The following PCED1B variants were observed in gnomAD, a reference collection of about 807,000 sequenced individuals.
PCED1B encodes PC-esterase domain containing 1B, also known as PC-esterase domain-containing protein 1B.
For synonymous variants in PCED1B, 251 were observed against 246.1 expected (o/e 1.02, Z -0.19); for missense variants, 573 against 573.9 (o/e 1.00, Z 0.02).
chr12:47,223,529 A>G (rs1943547963), intron 3 of PCED1B: 1 of 152,210 alleles, frequency 6.6e-6, no homozygotes, highest in Non-Finnish European at 1.5e-5. Context: ...TTTTCAAAGC[A>G]AGAAACTAGA....
chr12:47,187,991 G>A (rs1294090634), intron 2 of PCED1B: 1 of 154,058 alleles, frequency 6.5e-6, no homozygotes, highest in Admixed American at 6.6e-5. Flanking sequence ...GCATCTTCCT[G>A]ACTGCAACAA....
chr12:47,104,989 A>G (rs1938881932), intron 2 of PCED1B, among the ~76,000 whole-genome samples: 1 of 152,196 alleles, frequency 6.6e-6, no homozygotes, highest in Admixed American at 6.5e-5. Flanking sequence ...TCATCTGACC[A>G]TATTTTAGGC....
At chr12:47,081,736 CTAAT>C (rs1937736103) in intron 1 of PCED1B, among the ~76,000 whole-genome samples, 1 of 152,148 alleles carries the variant, frequency 6.6e-6, no homozygotes, top group Non-Finnish European at 1.5e-5. Flanking sequence ...TTTTAAATGA[CTAAT>C]AAATGACCAG....
intron 2 of PCED1B, among the ~76,000 whole-genome samples, chr12:47,178,346 G>A (rs993868184): frequency 3.9e-5 from 6 of 152,286 alleles, no homozygotes; most frequent in African/African-American, 1.4e-4. Context: ...ATGTGGACAA[G>A]TGCAAAGCAC....
intron 3 of PCED1B, among the ~76,000 whole-genome samples, chr12:47,222,758 T>C (rs1310499714): frequency 1.5e-5 from 2 of 132,226 alleles, no homozygotes; most frequent in African/African-American, 6.3e-5. Context: ...CAAGGGCTAG[T>C]AAGCAGTGGA....
chr12:47,114,087 C>G (rs1939319197), intron 2 of PCED1B, among the ~76,000 whole-genome samples: 1 of 152,124 alleles, frequency 6.6e-6, no homozygotes, highest in Non-Finnish European at 1.5e-5. Flanking sequence ...AGATAATTGA[C>G]TACAGATTTA....
Position 47,235,623 on chromosome 12 carries a change from C to G in PCED1B, c.560C>G (p.Thr187Ser). Reference protein sequence around the residue: ...LPPKLRRQKATFLKNEVVKAN... With the variant: ...LPPKLRRQKASFLKNEVVKAN... ...CCCAAGCTCCGGCGGCAGAAGGCCA[C>G]CTTCCTGAAAAACGAAGTGGTCAAA... The change falls in exon 4 of 4, where the codon ACC becomes AGC. Residue 187 changes from threonine (T) to serine (S), a missense_variant. Thr to Ser is a moderately conservative substitution (Grantham distance 58). Coordinates refer to ENST00000546455, the MANE Select transcript of PCED1B (RefSeq NM_138371.3). The G allele has an allele frequency of 6.2e-7, 1 of 1,610,320 alleles. No homozygotes were observed. Among genetic ancestry groups the G allele is most frequent in the Non-Finnish European group, 8.5e-7 (1 of 1,178,162 alleles).
At chr12:47,197,349 G>A (rs1461766222) in intron 2 of PCED1B, among the ~76,000 whole-genome samples, 5 of 151,044 alleles carry the variant, frequency 3.3e-5, no homozygotes, top group South Asian at 4.2e-4. Context: ...GCTCACGCCT[G>A]TAATCCCAGC....
intron 3 of PCED1B, among the ~76,000 whole-genome samples, chr12:47,227,284 G>A (rs926579835): frequency 2.0e-5 from 3 of 152,024 alleles, no homozygotes; most frequent in Non-Finnish European, 4.4e-5. Flanking sequence ...CGATTCTCCC[G>A]CCTCAGCCTC....
At chr12:47,222,782 C>T (rs1943524293) in intron 3 of PCED1B, among the ~76,000 whole-genome samples, 1 of 152,146 alleles carries the variant, frequency 6.6e-6, no homozygotes, top group Non-Finnish European at 1.5e-5. Flanking sequence ...GGATCAAACC[C>T]AGGGGGCCAA....
intron 2 of PCED1B, among the ~76,000 whole-genome samples, chr12:47,200,582 T>G (rs1306287312): frequency 6.6e-6 from 1 of 152,238 alleles, no homozygotes; most frequent in Non-Finnish European, 1.5e-5. Flanking sequence ...CCAGCAATCG[T>G]ACTCCCATTT....
At chr12:47,215,072 T>TGG (rs1943209496) in intron 2 of PCED1B, among the ~76,000 whole-genome samples, 1 of 151,784 alleles carries the variant, frequency 6.6e-6, no homozygotes, top group African/African-American at 2.4e-5. Flanking sequence ...AGTCATGCAC[T>TGG]GGGACCTTCT....
At chr12:47,199,104 G>A (rs1016788507) in intron 2 of PCED1B, among the ~76,000 whole-genome samples, 1 of 152,122 alleles carries the variant, frequency 6.6e-6, no homozygotes, top group Non-Finnish European at 1.5e-5. Context: ...AAATGTAATT[G>A]CTTTCCTATA....
chr12:47,128,141 TGCC>T (rs750485193), intron 2 of PCED1B, among the ~76,000 whole-genome samples: 6 of 152,216 alleles, frequency 3.9e-5, no homozygotes, highest in Non-Finnish European at 8.8e-5. Flanking sequence ...TGGCTGATTA[TGCC>T]AATTTGAGTC....
intron 3 of PCED1B, chr12:47,224,104 T>C (rs1009125167): frequency 2.0e-5 from 3 of 152,226 alleles, no homozygotes; most frequent in Non-Finnish European, 4.4e-5. Flanking sequence ...TGAATAATGA[T>C]GCAAGACCAT....
At chr12:47,217,978 A>G (rs111547634) in intron 3 of PCED1B, among the ~76,000 whole-genome samples, 1,906 of 152,346 alleles carry the variant, frequency 0.013, 50 homozygotes, top group African/African-American at 0.043. Context: ...GTTGCTAAAT[A>G]ATAAGTTAAA....
At chr12:47,083,171 A>G (rs1361514597) in intron 1 of PCED1B, among the ~76,000 whole-genome samples, 2 of 151,942 alleles carry the variant, frequency 1.3e-5, no homozygotes, top group Non-Finnish European at 2.9e-5. Flanking sequence ...TGAGACAAGA[A>G]ATTAATAGCA....
rs551591985 is a variant in PCED1B, at chr12:47,176,401, A to C, written c.-525-39821A>C. On this transcript the variant is annotated intron_variant, in intron 2 of 3. Coordinates refer to ENST00000546455, the MANE Select transcript of PCED1B (RefSeq NM_138371.3). ...CAGTAGGTTCTTGGATGAAGGCTGG[A>C]CACCAGAAAAACCAAGCCATGATTA... 8.5e-5 allele frequency among the ~76,000 whole-genome samples: 13 copies of C among 152,262 alleles called. No homozygotes were observed. In the East Asian group the frequency reaches 2.3e-3, roughly 27 times the overall value.
At chr12:47,158,785 G>A (rs921863186) in intron 2 of PCED1B, among the ~76,000 whole-genome samples, 6 of 152,136 alleles carry the variant, frequency 3.9e-5, no homozygotes, top group African/African-American at 1.2e-4. Flanking sequence ...AACATTTCAA[G>A]TCTTCTAGCT....
Sources: gnomAD v4.1 joint callset for allele counts (sites outside exome capture counted in the v4.1 genomes callset) on GRCh38, gnomAD v4.1.1 for gene constraint, MANE v1.5 for transcripts, NCBI Gene and HGNC (gene_info 2026-07-23, HGNC 2026-07-21) for gene names.